The following HSD17B12 variants were observed in gnomAD, a reference collection of about 807,000 sequenced individuals.
HSD17B12 encodes the protein hydroxysteroid 17-beta dehydrogenase 12, also known as very-long-chain 3-oxoacyl-CoA reductase.
HSD17B12 carries 32 observed loss-of-function variants against 39.3 expected under a neutral mutation model. The observed-to-expected ratio is 0.81, with a 90% CI of 0.61 to 1.09. The LOEUF is 1.09. Ranked by LOEUF, HSD17B12 falls within the 50% of genes least tolerant of loss-of-function variation. The pLI, the probability that HSD17B12 is intolerant of heterozygous loss-of-function variation, is 0.00. For missense variants in HSD17B12, 342 were observed against 382.9 expected, an observed-to-expected ratio of 0.89 and a Z score of 0.89; for synonymous variants, 150 against 146.7, an observed-to-expected ratio of 1.02 and a Z score of -0.16.
intron 1 of HSD17B12, among the ~76,000 whole-genome samples, chr11:43,696,935 C>G (rs1949917438): frequency 6.6e-6 from 1 of 151,842 alleles, no homozygotes; most frequent in Admixed American, 6.6e-5. Context: ...ACCACATGTT[C>G]TCACCCATAA....
chr11:43,699,369 C>G (rs1949941826), intron 1 of HSD17B12, among the ~76,000 whole-genome samples: 1 of 151,988 alleles, frequency 6.6e-6, no homozygotes, highest in Non-Finnish European at 1.5e-5. Context: ...GGAATGTTCT[C>G]ATTTTTATTT....
At chr11:43,817,006 ATATCTATATCTATATC>A (rs1161003519) in intron 6 of HSD17B12, among the ~76,000 whole-genome samples, 3 of 22,942 alleles carry the variant, frequency 1.3e-4, no homozygotes, top group Non-Finnish European at 2.5e-4. Context: ...ATCTATATCT[ATATCTATATCTATATC>A]TATATCTATA....
chr11:43,617,009 T>G, the HSD17B12 span, among the ~76,000 whole-genome samples: 10 of 147,242 alleles, frequency 6.8e-5, no homozygotes, highest in Admixed American at 6.8e-5. Flanking sequence ...GAAAAAAAAA[T>G]CCGGGGTAAG....
intron 6 of HSD17B12, among the ~76,000 whole-genome samples, chr11:43,829,262 T>C (rs1042859705): frequency 1.3e-5 from 2 of 152,214 alleles, no homozygotes; most frequent in African/African-American, 4.8e-5. Context: ...TAGCCAGGCA[T>C]TGAAATCAGT....
rs2135112813 is a variant in HSD17B12, at chr11:43,831,492, G to A, written c.536+482G>A. ...ACCAACCCTTGGAGGAAAAGGCAAT[G>A]TCCACTCGCCCCATCTTTGTTCCAG... On this transcript the variant is annotated intron_variant, in intron 7 of 10. Coordinates refer to ENST00000278353, the MANE Select transcript of HSD17B12 (RefSeq NM_016142.3). This position sits in a 1 kb window ranked among gnomAD's most constrained non-coding sequence, Gnocchi z 4.1. 1 of 152,434 alleles carries A rather than the reference G, an allele frequency of 6.6e-6. No homozygotes were observed. Among genetic ancestry groups the A allele is most frequent in the Admixed American group, 6.5e-5 (1 of 15,300 alleles). The allele number at this position is 152,434 out of a possible 1,614,324, so 9.4% of individuals were successfully genotyped here.
chr11:43,723,251 G>C (rs1950191101), intron 1 of HSD17B12, among the ~76,000 whole-genome samples: 1 of 152,142 alleles, frequency 6.6e-6, no homozygotes, highest in Admixed American at 6.5e-5. Context: ...TGGATTTGAT[G>C]AATTAAAGTG....
At chr11:43,566,591 G>A in the HSD17B12 span, among the ~76,000 whole-genome samples, 13 of 151,666 alleles carry the variant, frequency 8.6e-5, no homozygotes, top group South Asian at 2.1e-4. Context: ...GTGCAGTGGC[G>A]CAATCTTGGC....
Position 43,815,310 on chromosome 11 carries a change from C to T in HSD17B12, c.392-127C>T, listed in dbSNP as rs1407832550. ...ACAGAAAGGTGTGGAAAAGGTTATGCTAGCCATAAACAGCATTTTATATAA... is the reference window on the plus strand; with the variant it reads ...ACAGAAAGGTGTGGAAAAGGTTATGTTAGCCATAAACAGCATTTTATATAA... On this transcript the variant is annotated intron_variant, in intron 4 of 10. Transcript: ENST00000278353. 3 of 460,800 alleles carry T rather than the reference C, an allele frequency of 6.5e-6. No individual in the cohort carries two copies. In the Admixed American group the frequency reaches 1.1e-4, roughly 17 times the overall value. The allele number at this position is 460,800 out of a possible 1,614,324, so 28.5% of individuals were successfully genotyped here.
intron 9 of HSD17B12, chr11:43,852,988 T>C (rs1443542330): frequency 2.6e-5 from 4 of 152,174 alleles, no homozygotes; most frequent in Non-Finnish European, 5.9e-5. Flanking sequence ...GAGAGTGGGT[T>C]GCATTCCTTG....
At chr11:43,845,635 C>T (rs563234898) in intron 9 of HSD17B12, among the ~76,000 whole-genome samples, 7 of 152,196 alleles carry the variant, frequency 4.6e-5, no homozygotes, top group South Asian at 2.1e-4. Flanking sequence ...TTATGCTTTC[C>T]GGGCCAAAAT....
chr11:43,579,083 G>A, the HSD17B12 span: 1 of 138,836 alleles, frequency 7.2e-6, no homozygotes, highest in African/African-American at 2.6e-5. Context: ...GGGGGGCGGG[G>A]GGGCACCAAA....
the HSD17B12 span, among the ~76,000 whole-genome samples, chr11:43,669,842 A>C: frequency 6.6e-6 from 1 of 152,210 alleles, no homozygotes; most frequent in African/African-American, 2.4e-5. Context: ...TTTCCAAATA[A>C]GGCCAAGGTC....
chr11:43,741,474 T>C (rs1025237543), intron 1 of HSD17B12, among the ~76,000 whole-genome samples: 1 of 152,078 alleles, frequency 6.6e-6, no homozygotes, highest in African/African-American at 2.4e-5. Flanking sequence ...ATGCAGTACA[T>C]GCACATGGTT....
intron 7 of HSD17B12, among the ~76,000 whole-genome samples, chr11:43,836,392 A>G (rs1951371129): frequency 6.6e-6 from 1 of 152,178 alleles, no homozygotes; most frequent in Non-Finnish European, 1.5e-5. Context: ...ACTTCTTAGA[A>G]AGCATATTGT....
rs554672300 is a variant in HSD17B12 at position 43,705,662 on chromosome 11, A to G, written c.160+24675A>G. On this transcript the variant is annotated intron_variant, in intron 1 of 10. Transcript: ENST00000278353. ...TGCCATTTTTCCATATTAATGTATT[A>G]AGTATAAAGGTTGTGAAATCCATTT... Among the ~76,000 whole-genome samples the G allele has an allele frequency of 2.0e-5, 3 of 151,964 alleles. No homozygotes were observed. In the South Asian group the frequency reaches 6.2e-4, roughly 32 times the overall value.
the HSD17B12 span, among the ~76,000 whole-genome samples, chr11:43,630,201 AAGAATTGAATGGGGAGACCAATTTC>A: frequency 6.6e-6 from 1 of 152,172 alleles, no homozygotes; most frequent in Non-Finnish European, 1.5e-5. Context: ...CATGGAAAAA[AAGAATTGAATGGGGAGACCAATTTC>A]AGCCTTTTGG....
At chr11:43,787,619 C>A (rs528195574) in intron 3 of HSD17B12, among the ~76,000 whole-genome samples, 1 of 151,950 alleles carries the variant, frequency 6.6e-6, no homozygotes, top group Non-Finnish European at 1.5e-5. Flanking sequence ...CGCCTGTAAT[C>A]CCAGCTTCTT....
chr11:43,754,218 C>A, intron 3 of HSD17B12, 97 bp downstream of exon 3: 2 of 801,106 alleles, frequency 2.5e-6, no homozygotes, highest in Non-Finnish European at 2.0e-6. Context: ...CAGGAAACTT[C>A]TTTTTCAAGG....
the HSD17B12 span, among the ~76,000 whole-genome samples, chr11:43,557,791 T>C: frequency 6.6e-6 from 1 of 151,952 alleles, no homozygotes; most frequent in Non-Finnish European, 1.5e-5. Context: ...AGGGAACGGC[T>C]GGAGCTCAGC....
Sources: gnomAD v4.1 joint callset for allele counts (sites outside exome capture counted in the v4.1 genomes callset) on GRCh38, gnomAD v4.1.1 for gene constraint, Gnocchi (gnomAD v3.1) non-coding constraint, MANE v1.5 for transcripts, NCBI Gene and HGNC (gene_info 2026-07-23, HGNC 2026-07-21) for gene names.